The following LRRC37A2 variants were observed in gnomAD, a reference collection of about 807,000 sequenced individuals.
LRRC37A2 encodes leucine rich repeat containing 37 member A2.
A neutral mutation model predicts 68.8 loss-of-function variants in LRRC37A2; 9 were observed. The observed-to-expected ratio is 0.13, with a 90% CI of 0.08 to 0.23. LRRC37A2 has a LOEUF of 0.23. Among genes scored for constraint, LRRC37A2 ranks in the 10% least tolerant of loss-of-function variants. The pLI is 1.00. For synonymous variants in LRRC37A2, 63 were observed against 367.6 expected (o/e 0.17, Z 9.48); for missense variants, 168 against 950.4 (o/e 0.18, Z 10.82).
chr17:46,841,892 G>T, the LRRC37A2 span, among the ~76,000 whole-genome samples: 4 of 152,230 alleles, frequency 2.6e-5, no homozygotes, highest in Non-Finnish European at 4.4e-5. Context: ...GCTCCTCTGC[G>T]GTGTGTGGGG....
chr17:46,831,772 G>A, the LRRC37A2 span, among the ~76,000 whole-genome samples: 1 of 152,258 alleles, frequency 6.6e-6, no homozygotes, highest in East Asian at 1.9e-4. Context: ...CTGGCTGTGT[G>A]TCCCCGGACA....
the LRRC37A2 span, among the ~76,000 whole-genome samples, chr17:46,491,294 T>C: frequency 6.6e-6 from 1 of 150,456 alleles, no homozygotes; most frequent in Non-Finnish European, 1.5e-5. Flanking sequence ...ATCTTTAATT[T>C]GTCTATGAAA....
the LRRC37A2 span, among the ~76,000 whole-genome samples, chr17:46,463,793 C>CA: frequency 4.2e-5 from 3 of 71,076 alleles, 1 homozygote; most frequent in African/African-American, 1.7e-4. Flanking sequence ...GACCCTGTCT[C>CA]AAAAAAATAA....
At chr17:47,017,714 T>G in the LRRC37A2 span, 210,624 of 1,610,500 alleles carry the variant, frequency 0.13, 14,486 homozygotes, top group South Asian at 0.2. Flanking sequence ...CCACACCTCA[T>G]AGTCAGAAAC....
At chr17:47,014,460 A>G in the LRRC37A2 span, among the ~76,000 whole-genome samples, 5 of 152,166 alleles carry the variant, frequency 3.3e-5, no homozygotes, top group African/African-American at 1.2e-4. Flanking sequence ...TGTAACCATA[A>G]TTCAAAACAA....
chr17:46,938,566 G>A, the LRRC37A2 span: 2 of 1,613,046 alleles, frequency 1.2e-6, no homozygotes, highest in Non-Finnish European at 1.7e-6. Flanking sequence ...GCGACTTGAT[G>A]TTTGTTTTTT....
chr17:46,849,415 C>T, the LRRC37A2 span, among the ~76,000 whole-genome samples: 2 of 152,350 alleles, frequency 1.3e-5, no homozygotes, highest in African/African-American at 4.8e-5. Context: ...GCTGGGCAGC[C>T]TGAGCTGAAC....
At chr17:46,539,412 T>C (rs1598430674) in intron 6 of LRRC37A2, among the ~76,000 whole-genome samples, 1 of 144,818 alleles carries the variant, frequency 6.9e-6, no homozygotes, top group African/African-American at 2.6e-5. Flanking sequence ...AAAGAATTGG[T>C]CCTATTTTTT....
chr17:46,932,168 A>G, the LRRC37A2 span: 1 of 1,614,132 alleles, frequency 6.2e-7, no homozygotes, highest in Non-Finnish European at 8.5e-7. Flanking sequence ...AGACAGCGAG[A>G]AGAGCTTCTG....
the LRRC37A2 span, among the ~76,000 whole-genome samples, chr17:46,927,668 T>C: frequency 2.0e-5 from 3 of 152,216 alleles, no homozygotes; most frequent in Non-Finnish European, 4.4e-5. Flanking sequence ...CGTGGGGCTG[T>C]GTCTAGGCTG....
At chr17:46,705,263 G>GTCTC in the LRRC37A2 span, among the ~76,000 whole-genome samples, 6 of 119,510 alleles carry the variant, frequency 5.0e-5, no homozygotes, top group Admixed American at 2.7e-4. Flanking sequence ...ATCCTCCTCT[G>GTCTC]TCTCTCTCTC....
chr17:46,779,105 C>CACACACACACACACACA, the LRRC37A2 span, among the ~76,000 whole-genome samples: 2 of 35,398 alleles, frequency 5.7e-5, no homozygotes, highest in Admixed American at 2.2e-4. Flanking sequence ...ACACACACAC[C>CACACACACACACACACA]CCAGCCCACT....
the LRRC37A2 span, chr17:46,763,622 C>A: frequency 6.6e-6 from 1 of 152,226 alleles, no homozygotes; most frequent in Admixed American, 6.5e-5. Flanking sequence ...ATGGCTACTC[C>A]CTCACGGACC....
chr17:46,978,517 C>T, the LRRC37A2 span: 1 of 1,176,308 alleles, frequency 8.5e-7, no homozygotes, highest in Admixed American at 3.1e-5. Context: ...GCCGCGTCCC[C>T]GCCCGGGCGC....
the LRRC37A2 span, among the ~76,000 whole-genome samples, chr17:46,835,367 A>T: frequency 6.6e-6 from 1 of 152,048 alleles, no homozygotes; most frequent in Non-Finnish European, 1.5e-5. Context: ...ACCCGCCACC[A>T]CGCCCAGCTA....
At chr17:46,395,341 TTAGA>T in the LRRC37A2 span, among the ~76,000 whole-genome samples, 46 of 105,384 alleles carry the variant, frequency 4.4e-4, no homozygotes, top group African/African-American at 1.7e-3. Flanking sequence ...TGTTCTGGAA[TTAGA>T]TAGTGATTAT....
the LRRC37A2 span, among the ~76,000 whole-genome samples, chr17:46,987,433 ACT>A: frequency 6.6e-6 from 1 of 151,992 alleles, no homozygotes; most frequent in African/African-American, 2.4e-5. Flanking sequence ...AAATAAAACA[ACT>A]CTTTTTTCGC....
chr17:46,814,668 T>A, the LRRC37A2 span, among the ~76,000 whole-genome samples: 1 of 152,224 alleles, frequency 6.6e-6, no homozygotes, highest in African/African-American at 2.4e-5. Context: ...CCCAGCGAGC[T>A]GTAATTCCTG....
the LRRC37A2 span, among the ~76,000 whole-genome samples, chr17:46,816,635 C>T: frequency 1.3e-5 from 2 of 152,158 alleles, no homozygotes; most frequent in African/African-American, 4.8e-5. Flanking sequence ...CCCAGCGTTT[C>T]TTCCTATTGG....
Sources: allele counts gnomAD v4.1 joint callset (sites outside exome capture counted in the v4.1 genomes callset), GRCh38; gene constraint gnomAD v4.1.1; transcripts MANE v1.5; gene names NCBI Gene and HGNC (gene_info 2026-07-23, HGNC 2026-07-21).